MED13L: variants seen among roughly 807,000 people sequenced by gnomAD.
MED13L encodes the protein mediator of RNA polymerase II transcription subunit 13-like.
Under a neutral mutation model 220.9 loss-of-function variants are expected in MED13L, and 7 were observed. That is an observed-to-expected ratio of 0.03 (90% CI 0.02 to 0.06). The LOEUF (loss-of-function observed/expected upper bound fraction) is 0.06. MED13L is among the 10% of genes least tolerant of loss of function. MED13L has a pLI of 1.00. For synonymous variants in MED13L, 1,011 were observed against 1,015.2 expected (o/e 1.00, Z 0.08); for missense variants, 1,965 against 2,760.5 (o/e 0.71, Z 6.46).
At chr12:116,220,073 G>A (rs1357651536) in intron 2 of MED13L, among the ~76,000 whole-genome samples, 1 of 152,056 alleles carries the variant, frequency 6.6e-6, no homozygotes, top group African/African-American at 2.4e-5. Flanking sequence ...TGGGATTACA[G>A]GTGTGAGCCA....
chr12:116,074,167 A>G (rs1439656566), intron 4 of MED13L, among the ~76,000 whole-genome samples: 2 of 152,168 alleles, frequency 1.3e-5, no homozygotes, highest in Non-Finnish European at 2.9e-5. Context: ...CACCAAGGCA[A>G]GTGGATCAGG....
intron 4 of MED13L, among the ~76,000 whole-genome samples, chr12:116,074,769 G>A (rs1391670563): frequency 6.6e-6 from 1 of 152,162 alleles, no homozygotes; most frequent in Non-Finnish European, 1.5e-5. Context: ...AGCTCTAGAG[G>A]AAGGCACAGA....
intron 2 of MED13L, chr12:116,230,614 T>C (rs1377861155): frequency 6.8e-6 from 2 of 293,068 alleles, no homozygotes; most frequent in Non-Finnish European, 1.0e-5. Context: ...ACTCACAAAT[T>C]TAATACCACT....
chr12:115,967,443 ACTGT>A (rs1876261323), intron 28 of MED13L, among the ~76,000 whole-genome samples: 1 of 152,198 alleles, frequency 6.6e-6, no homozygotes, highest in Admixed American at 6.5e-5. Flanking sequence ...TCAGAACAGC[ACTGT>A]CTAAATCATG....
intron 13 of MED13L, among the ~76,000 whole-genome samples, chr12:116,004,368 C>G (rs577943950): frequency 6.6e-6 from 1 of 152,228 alleles, no homozygotes; most frequent in South Asian, 2.1e-4. Context: ...GAGTTTTTCA[C>G]ATTTTCATGT....
At chr12:116,252,619 A>G (rs1871655001) in intron 1 of MED13L, among the ~76,000 whole-genome samples, 1 of 152,138 alleles carries the variant, frequency 6.6e-6, no homozygotes, top group Non-Finnish European at 1.5e-5. Context: ...AAATTAAACC[A>G]AAAGTAAATA....
At chr12:116,089,237 A>T (rs1216162339) in intron 4 of MED13L, among the ~76,000 whole-genome samples, 1 of 152,184 alleles carries the variant, frequency 6.6e-6, no homozygotes, top group African/African-American at 2.4e-5. Context: ...TTCTATAAAG[A>T]TGGGATCTCA....
intron 1 of MED13L, among the ~76,000 whole-genome samples, chr12:116,244,183 T>C (rs774173058): frequency 2.6e-5 from 4 of 152,266 alleles, no homozygotes; most frequent in Non-Finnish European, 4.4e-5. Flanking sequence ...CCTCCAATGA[T>C]AGGGTTACCA....
rs1386508611 is a variant in MED13L at position 116,237,505 on chromosome 12, TTCA to T, written c.270_272del (p.Asp90del). 6.2e-7 allele frequency: 1 copy of T among 1,614,150 alleles called. No individual in the cohort carries two copies. The highest frequency in any genetic ancestry group is 8.5e-7 in the Non-Finnish European group (1 of 1,179,984). The stretch of plus-strand genomic sequence containing the variant: ...GATGTATTACACCCACTAGGTTGGG[TTCA>T]TCTCCCCACCAGAATATCCATAACT... On this transcript the variant is annotated inframe_deletion, in exon 2 of 31. Transcript: ENST00000281928.
intron 4 of MED13L, among the ~76,000 whole-genome samples, chr12:116,041,603 G>C (rs1342847417): frequency 1.2e-4 from 18 of 152,348 alleles, no homozygotes; most frequent in Non-Finnish European, 2.9e-5. Context: ...CCAGCACTTT[G>C]GGAGGCCAAG....
chr12:116,220,229 G>A (rs889187807), intron 2 of MED13L, among the ~76,000 whole-genome samples: 4 of 151,980 alleles, frequency 2.6e-5, no homozygotes, highest in Non-Finnish European at 4.4e-5. Flanking sequence ...ATAATCATGG[G>A]ATCAATTAAA....
At chr12:116,094,233 A>G (rs1033891497) in intron 4 of MED13L, among the ~76,000 whole-genome samples, 2 of 152,206 alleles carry the variant, frequency 1.3e-5, no homozygotes, top group African/African-American at 4.8e-5. Flanking sequence ...ATTAAAGCAA[A>G]CGCCAATTTT....
intron 1 of MED13L, among the ~76,000 whole-genome samples, chr12:116,241,929 A>AGTTT: frequency 6.6e-6 from 1 of 152,228 alleles, no homozygotes; most frequent in South Asian, 2.1e-4. Flanking sequence ...ATACTGAAAT[A>AGTTT]GTTTGTCCAA....
Position 116,277,189 on chromosome 12 carries a change from G to C in MED13L, c.-58C>G, listed in dbSNP as rs1455079822. ...CATGTCGGAGCGAGGCGTCCGAGGCGAGGCCGGGCCGGGCGGCGGCGCCTC... is the reference window on the plus strand; with the variant it reads ...CATGTCGGAGCGAGGCGTCCGAGGCCAGGCCGGGCCGGGCGGCGGCGCCTC... On this transcript the variant is annotated 5_prime_UTR_variant, in exon 1 of 31. Coordinates refer to ENST00000281928, the MANE Select transcript of MED13L (RefSeq NM_015335.5). 2.3e-6 allele frequency: 3 copies of C among 1,296,730 alleles called. No homozygotes were observed. Among genetic ancestry groups the C allele is most frequent in the Non-Finnish European group, 3.0e-6 (3 of 985,478 alleles). 80.3% of individuals were successfully genotyped at this position (1,296,730 alleles called of 1,614,324 possible).
intron 1 of MED13L, among the ~76,000 whole-genome samples, chr12:116,274,686 A>G (rs1052555400): frequency 6.6e-6 from 1 of 152,020 alleles, no homozygotes; most frequent in South Asian, 2.1e-4. Flanking sequence ...CATTTCTTCA[A>G]TAGCACCTTA....
chr12:115,982,557 C>T lies in MED13L; in HGVS notation c.5002G>A (p.Ala1668Thr). 2 of 1,614,154 alleles carry T rather than the reference C, an allele frequency of 1.2e-6. No homozygotes were observed. Among genetic ancestry groups the T allele is most frequent in the Non-Finnish European group, 1.7e-6 (2 of 1,180,020 alleles). The change falls in exon 22 of 31, where the codon GCA (alanine) becomes ACA (threonine). Residue 1668 changes from alanine (A) to threonine (T), a missense_variant. Around this residue, in one of 10 missense-constraint regions of MED13L, gnomAD observed 510 missense variants for 620.4 expected, o/e 0.82. Coordinates refer to ENST00000281928, the MANE Select transcript of MED13L (RefSeq NM_015335.5). Reference sequence around the variant, plus strand: ...GCTGGAGGGTGGGCATGGCTGTCTGCAGAGTCAGGCTCCGTGGGAATTCCT... The same window carrying T: ...GCTGGAGGGTGGGCATGGCTGTCTGTAGAGTCAGGCTCCGTGGGAATTCCT... ...RIGIPTEPDS[A>T]DSHAHPPAVV...
intron 4 of MED13L, among the ~76,000 whole-genome samples, chr12:116,036,324 T>C (rs1881194819): frequency 6.6e-6 from 1 of 152,208 alleles, no homozygotes; most frequent in Non-Finnish European, 1.5e-5. Flanking sequence ...TTAAAAAATA[T>C]CTTTTAAGAC....
intron 2 of MED13L, 126 bp downstream of exon 2, chr12:116,237,342 G>C: frequency 1.3e-6 from 1 of 796,936 alleles, no homozygotes; most frequent in African/African-American, 1.7e-5. Context: ...TGTTCCTTTT[G>C]AGAGAGACAT....
chr12:116,005,058 G>A (rs1300890534), intron 13 of MED13L, among the ~76,000 whole-genome samples: 1 of 152,166 alleles, frequency 6.6e-6, no homozygotes, highest in Admixed American at 6.5e-5. Flanking sequence ...TAACCTCAAT[G>A]ACTAGCCTTA....
Sources: gnomAD v4.1 joint callset for allele counts (sites outside exome capture counted in the v4.1 genomes callset) on GRCh38, gnomAD v4.1.1 for gene constraint, gnomAD v4.1.1 regional missense constraint, MANE v1.5 for transcripts, NCBI Gene and HGNC (gene_info 2026-07-23, HGNC 2026-07-21) for gene names.